Variants in GALNTL6 observed in about 807,000 individuals in gnomAD.
The protein encoded by GALNTL6 is polypeptide N-acetylgalactosaminyltransferase like 6, also known as polypeptide N-acetylgalactosaminyltransferase-like 6.
A neutral mutation model predicts 73.7 loss-of-function variants in GALNTL6; 46 were observed. The observed-to-expected ratio is 0.62, with a 90% CI of 0.49 to 0.80. The LOEUF (loss-of-function observed/expected upper bound fraction) is 0.80, where lower values mean the gene tolerates loss of function less well. GALNTL6 is among the 30% of genes least tolerant of loss of function. The pLI is 0.00. For synonymous variants in GALNTL6, 259 were observed against 263.7 expected, an observed-to-expected ratio of 0.98 and a Z score of 0.17; for missense variants, 604 against 755.0, an observed-to-expected ratio of 0.80 and a Z score of 2.34.
At chr4:171,890,108 G>C (rs1163741165) in intron 2 of GALNTL6, among the ~76,000 whole-genome samples, 1 of 152,100 alleles carries the variant, frequency 6.6e-6, no homozygotes, top group Non-Finnish European at 1.5e-5. Flanking sequence ...TAAAGTTTCT[G>C]TGTACTTACA....
At chr4:172,152,001 G>T in intron 2 of GALNTL6, among the ~76,000 whole-genome samples, 1 of 149,204 alleles carries the variant, frequency 6.7e-6, no homozygotes, top group Admixed American at 6.7e-5. Context: ...TTTTTAAACT[G>T]CGTCTCTCTC....
chr4:172,910,192 C>A (rs1747125729), intron 8 of GALNTL6, among the ~76,000 whole-genome samples: 1 of 152,058 alleles, frequency 6.6e-6, no homozygotes, highest in Admixed American at 6.6e-5. Context: ...ATGAATCCAA[C>A]AAATATTTGT....
At chr4:172,515,664 A>G (rs1163089431) in intron 5 of GALNTL6, among the ~76,000 whole-genome samples, 6 of 151,754 alleles carry the variant, frequency 4.0e-5, no homozygotes, top group Non-Finnish European at 8.8e-5. Context: ...TCCTGAATTA[A>G]CCCCCTTTCG....
chr4:172,372,341 G>A (rs1049625045), intron 5 of GALNTL6, among the ~76,000 whole-genome samples: 1 of 152,182 alleles, frequency 6.6e-6, no homozygotes, highest in African/African-American at 2.4e-5. Flanking sequence ...GGTCCCTCAA[G>A]GAGTAGCACC....
intron 2 of GALNTL6, among the ~76,000 whole-genome samples, chr4:172,164,550 A>T (rs772831906): frequency 3.9e-5 from 6 of 152,036 alleles, no homozygotes; most frequent in African/African-American, 1.4e-4. Flanking sequence ...CAAGTTTACT[A>T]TCAAAAGCTA....
chr4:172,102,554 C>A lies in GALNTL6; in HGVS notation c.139-127102C>A, dbSNP rs1188146548. Among the ~76,000 whole-genome samples, 3 of 150,552 alleles carry A rather than the reference C, an allele frequency of 2.0e-5. No homozygotes were observed. In the East Asian group the frequency reaches 5.8e-4, roughly 29 times the overall value. On this transcript the variant is annotated intron_variant, in intron 2 of 12. Coordinates refer to ENST00000506823, the MANE Select transcript of GALNTL6 (RefSeq NM_001034845.3). ...GAACAATTGAGAGGTATTTCCACAC[C>A]TAATAACAAGGCCAAGTATTCAACA... is the stretch of plus-strand genomic sequence containing the variant.
chr4:172,122,443 G>A (rs1733177358), intron 2 of GALNTL6, among the ~76,000 whole-genome samples: 1 of 152,076 alleles, frequency 6.6e-6, no homozygotes, highest in Non-Finnish European at 1.5e-5. Context: ...GCAGTTTGGT[G>A]AACTTTCTGT....
At chr4:172,559,950 A>G (rs1400050154) in intron 5 of GALNTL6, among the ~76,000 whole-genome samples, 1 of 152,230 alleles carries the variant, frequency 6.6e-6, no homozygotes, top group Non-Finnish European at 1.5e-5. Context: ...TTGCTATTCA[A>G]ACATGATAAA....
chr4:172,121,969 TA>T (rs1400264975), intron 2 of GALNTL6, among the ~76,000 whole-genome samples: 1 of 147,130 alleles, frequency 6.8e-6, no homozygotes, highest in Non-Finnish European at 1.5e-5. Flanking sequence ...TTTTTTTTTT[TA>T]ACCACGTGGC....
chr4:172,715,886 A>G (rs1333081223), intron 5 of GALNTL6, among the ~76,000 whole-genome samples: 1 of 152,202 alleles, frequency 6.6e-6, no homozygotes, highest in Non-Finnish European at 1.5e-5. Flanking sequence ...AACTAAGTAC[A>G]CTATGTTACT....
chr4:172,579,792 AGGAAGGAG>A (rs1369447192), intron 5 of GALNTL6, among the ~76,000 whole-genome samples: 9 of 20,928 alleles, frequency 4.3e-4, no homozygotes, highest in Non-Finnish European at 2.6e-3. Flanking sequence ...TGAGGAAGGA[AGGAAGGAG>A]GGAAGGAAGG....
At chr4:172,276,927 A>C (rs1275149086) in intron 3 of GALNTL6, among the ~76,000 whole-genome samples, 1 of 152,102 alleles carries the variant, frequency 6.6e-6, no homozygotes, top group East Asian at 1.9e-4. Context: ...AATTTAATGG[A>C]CTATTTATAG....
intron 9 of GALNTL6, among the ~76,000 whole-genome samples, chr4:172,944,438 T>C (rs1749061624): frequency 6.6e-6 from 1 of 152,234 alleles, no homozygotes; most frequent in Admixed American, 6.5e-5. Flanking sequence ...CATGCTTTTA[T>C]AATGGCCAAA....
At chr4:172,187,865 T>C (rs1164516246) in intron 2 of GALNTL6, among the ~76,000 whole-genome samples, 4 of 152,156 alleles carry the variant, frequency 2.6e-5, no homozygotes, top group Non-Finnish European at 5.9e-5. Context: ...GTTACTTACA[T>C]TAGTGGAATG....
chr4:172,505,432 A>G (rs7693645), intron 5 of GALNTL6, among the ~76,000 whole-genome samples: 9,320 of 55,116 alleles, frequency 0.17, 4,022 homozygotes, highest in African/African-American at 0.39. Context: ...ATAAGTGCAC[A>G]CATTGCTCAG....
intron 9 of GALNTL6, among the ~76,000 whole-genome samples, chr4:172,943,073 C>T (rs1748991906): frequency 6.6e-6 from 1 of 151,774 alleles, no homozygotes; most frequent in Non-Finnish European, 1.5e-5. Flanking sequence ...GGCAACCATA[C>T]TTTCACTTTA....
At chr4:172,251,635 G>A (rs1190255922) in intron 3 of GALNTL6, among the ~76,000 whole-genome samples, 2 of 152,118 alleles carry the variant, frequency 1.3e-5, no homozygotes, top group Non-Finnish European at 2.9e-5. Context: ...TCCAATAAGT[G>A]ACAAATGACT....
intron 5 of GALNTL6, among the ~76,000 whole-genome samples, chr4:172,613,616 A>C (rs1286867707): frequency 6.6e-6 from 1 of 152,180 alleles, no homozygotes; most frequent in Non-Finnish European, 1.5e-5. Context: ...CCTATGATTA[A>C]TATTTCAGCA....
intron 4 of GALNTL6, among the ~76,000 whole-genome samples, chr4:172,323,538 A>C (rs333386): frequency 0.99 from 150,980 of 152,274 alleles, 74,863 homozygotes; most frequent in Middle Eastern, 1. Flanking sequence ...ACAACCTTAA[A>C]TGAACCAAAA....
Sources: gnomAD v4.1 joint callset for allele counts (sites outside exome capture counted in the v4.1 genomes callset) on GRCh38, gnomAD v4.1.1 for gene constraint, MANE v1.5 for transcripts, NCBI Gene and HGNC (gene_info 2026-07-23, HGNC 2026-07-21) for gene names.